The following DIAPH2 variants were observed in gnomAD, a reference collection of about 807,000 sequenced individuals.
The protein encoded by DIAPH2 is diaphanous related formin 2.
Under a neutral mutation model 92.7 loss-of-function variants are expected in DIAPH2, and 35 were observed. That is an observed-to-expected ratio of 0.38 (90% confidence interval 0.29 to 0.50). The LOEUF (loss-of-function observed/expected upper bound fraction) is 0.50. DIAPH2 is among the 20% of genes least tolerant of loss of function. The pLI is 0.94. For synonymous variants in DIAPH2, 301 were observed against 280.4 expected, an observed-to-expected ratio of 1.07 and a Z score of -0.73; for missense variants, 701 against 819.5, an observed-to-expected ratio of 0.86 and a Z score of 1.77.
At chrX:96,878,263 C>T (rs2065192083) in intron 4 of DIAPH2, among the ~76,000 whole-genome samples, 2 of 111,793 alleles carry the variant, frequency 1.8e-5, no homozygotes, top group Non-Finnish European at 3.8e-5. Flanking sequence ...GTTGCTTTAA[C>T]GTTTTATTCA....
chrX:97,386,494 A>T (rs5920911), intron 25 of DIAPH2, among the ~76,000 whole-genome samples: 13 of 110,167 alleles, frequency 1.2e-4, no homozygotes, highest in African/African-American at 4.0e-4. Context: ...ATGGTGAAAC[A>T]CCGTCTCTAC....
intron 26 of DIAPH2, among the ~76,000 whole-genome samples, chrX:97,559,034 G>T (rs1312868266): frequency 1.8e-5 from 2 of 111,947 alleles, no homozygotes; most frequent in East Asian, 5.6e-4. Context: ...CTTCTGTTGG[G>T]TTTATCAGGG....
At position 96,880,324 on chromosome X, in the gene DIAPH2, G is replaced by A. The variant is rs752786410; in HGVS notation, c.448-1255G>A. On this transcript the variant is annotated intron_variant, in intron 4 of 26. Coordinates refer to ENST00000324765, the MANE Select transcript of DIAPH2 (RefSeq NM_006729.5). Reference sequence around the variant, plus strand: ...AATTATAATATTGCCACAGCGCTAAGGGAATAGAGTTCCCCTATATGTTAT... The same window carrying A: ...AATTATAATATTGCCACAGCGCTAAAGGAATAGAGTTCCCCTATATGTTAT... Among the ~76,000 whole-genome samples, 7 of 111,377 alleles carry A rather than the reference G, an allele frequency of 6.3e-5. No homozygotes were observed. The South Asian group carries it at 2.7e-3, about 42-fold the overall frequency.
chrX:96,973,217 G>A (rs1052358282), intron 17 of DIAPH2, among the ~76,000 whole-genome samples: 10 of 112,000 alleles, frequency 8.9e-5, no homozygotes, highest in African/African-American at 1.3e-4. Context: ...AATATAATAC[G>A]CTGAGCGTCG....
At chrX:97,252,644 G>A (rs1271179236) in intron 23 of DIAPH2, among the ~76,000 whole-genome samples, 1 of 111,877 alleles carries the variant, frequency 8.9e-6, no homozygotes, top group African/African-American at 3.2e-5. Context: ...TCCACACTTT[G>A]TAAAGCAAAT....
At chrX:97,229,961 G>T (rs766360571) in intron 22 of DIAPH2, among the ~76,000 whole-genome samples, 48 of 108,041 alleles carry the variant, frequency 4.4e-4, no homozygotes, top group Non-Finnish European at 2.5e-4. Flanking sequence ...TAAGAGCAAT[G>T]CATTAAGACA....
At chrX:97,147,791 A>G (rs1211179089) in intron 22 of DIAPH2, among the ~76,000 whole-genome samples, 2 of 111,409 alleles carry the variant, frequency 1.8e-5, no homozygotes, top group African/African-American at 6.5e-5. Context: ...TAATTTTAAC[A>G]ATCAACTATA....
chrX:96,699,361 GTGT>G (rs2063842347), intron 1 of DIAPH2, among the ~76,000 whole-genome samples: 1 of 111,568 alleles, frequency 9.0e-6, no homozygotes, highest in African/African-American at 3.3e-5. Flanking sequence ...CCCAAAAACT[GTGT>G]TGTTCTTTTT....
At chrX:96,769,316 G>A (rs960906756) in intron 4 of DIAPH2, among the ~76,000 whole-genome samples, 4 of 111,893 alleles carry the variant, frequency 3.6e-5, no homozygotes, top group African/African-American at 1.3e-4. Context: ...ATGTTAATCA[G>A]GGAGAAATTA....
At chrX:97,183,853 TTATTTG>T (rs1313219695) in intron 22 of DIAPH2, among the ~76,000 whole-genome samples, 1 of 112,172 alleles carries the variant, frequency 8.9e-6, no homozygotes, top group Non-Finnish European at 1.9e-5. Context: ...AAAATGGACA[TTATTTG>T]TATTTTGTAG....
intron 12 of DIAPH2, among the ~76,000 whole-genome samples, chrX:96,940,717 A>G (rs989916793): frequency 1.3e-4 from 15 of 112,147 alleles, no homozygotes; most frequent in Non-Finnish European, 1.9e-5. Context: ...TTTTTAAGCA[A>G]CAAGGCTGGT....
intron 23 of DIAPH2, among the ~76,000 whole-genome samples, chrX:97,259,820 T>C (rs1022463999): frequency 5.3e-5 from 6 of 112,259 alleles, no homozygotes; most frequent in Non-Finnish European, 1.1e-4. Context: ...GCAAAAATTA[T>C]CATATTAAGT....
intron 1 of DIAPH2, among the ~76,000 whole-genome samples, chrX:96,698,895 AT>A (rs1305987976): frequency 3.1e-3 from 303 of 98,951 alleles, no homozygotes; most frequent in Middle Eastern, 0.016. Flanking sequence ...GCCCCACTAA[AT>A]TTTTTTTTTT....
intron 24 of DIAPH2, among the ~76,000 whole-genome samples, chrX:97,376,694 G>A (rs758976617): frequency 8.9e-6 from 1 of 112,335 alleles, no homozygotes; most frequent in South Asian, 3.7e-4. Context: ...GTACAATCAT[G>A]TGTTGCTTAA....
At chrX:96,975,794 C>T (rs972004354) in intron 17 of DIAPH2, among the ~76,000 whole-genome samples, 2 of 110,849 alleles carry the variant, frequency 1.8e-5, no homozygotes, top group African/African-American at 6.6e-5. Flanking sequence ...AAGTGGTGAG[C>T]TGTCTTTCTG....
At chrX:97,151,913 G>A (rs781745768) in intron 22 of DIAPH2, among the ~76,000 whole-genome samples, 110 of 111,191 alleles carry the variant, frequency 9.9e-4, no homozygotes, top group African/African-American at 3.5e-3. Context: ...TTGTCAAGGG[G>A]GGAGATGTGA....
At chrX:96,884,097 C>T in intron 5 of DIAPH2, 1 of 401,165 alleles carries the variant, frequency 2.5e-6, no homozygotes, top group Non-Finnish European at 4.3e-6. Context: ...CCGACCCTGA[C>T]TGGCTGGAAG....
At chrX:96,832,993 TTTG>T (rs1162661964) in intron 4 of DIAPH2, among the ~76,000 whole-genome samples, 4 of 111,870 alleles carry the variant, frequency 3.6e-5, no homozygotes, top group African/African-American at 9.7e-5. Context: ...GTTTTAGATT[TTTG>T]TTATTTGTAG....
intron 17 of DIAPH2, among the ~76,000 whole-genome samples, chrX:97,062,787 C>T (rs2066607829): frequency 9.1e-6 from 1 of 109,936 alleles, no homozygotes; most frequent in Non-Finnish European, 1.9e-5. Flanking sequence ...AATCCCAGCA[C>T]TTTGGGAGGC....
Sources: allele counts gnomAD v4.1 joint callset (sites outside exome capture counted in the v4.1 genomes callset), GRCh38; gene constraint gnomAD v4.1.1; transcripts MANE v1.5; gene names NCBI Gene and HGNC (gene_info 2026-07-23, HGNC 2026-07-21).